Variants in RGPD8 observed in about 807,000 individuals in gnomAD.
RGPD8 encodes the protein RANBP2 like and GRIP domain containing 8, also known as RANBP2-like and GRIP domain-containing protein 8.
Under a neutral mutation model 89.1 loss-of-function variants are expected in RGPD8, and 15 were observed. The observed-to-expected ratio is 0.17, with a 90% CI of 0.11 to 0.26. The LOEUF is 0.26. Among genes scored for constraint, RGPD8 ranks in the 10% least tolerant of loss-of-function variants. RGPD8 has a pLI of 1.00. For missense variants in RGPD8, 178 were observed against 1,179.6 expected (o/e 0.15, Z 12.44); for synonymous variants, 62 against 420.9 (o/e 0.15, Z 10.44).
intron 7 of RGPD8, among the ~76,000 whole-genome samples, chr2:112,410,548 T>C (rs546155082): frequency 1.7e-3 from 262 of 151,270 alleles, no homozygotes; most frequent in East Asian, 4.7e-3. Flanking sequence ...GAGGCCGAGT[T>C]GGGTGGATCA....
chr2:112,431,557 C>T (rs1263639542), intron 1 of RGPD8, among the ~76,000 whole-genome samples: 5 of 151,856 alleles, frequency 3.3e-5, no homozygotes, highest in Admixed American at 6.6e-5. Flanking sequence ...TTGCTGGAAG[C>T]GCAAAATAAG....
At chr2:112,429,142 C>T (rs1181337027) in intron 1 of RGPD8, among the ~76,000 whole-genome samples, 83 of 151,788 alleles carry the variant, frequency 5.5e-4, no homozygotes, top group African/African-American at 1.9e-3. Flanking sequence ...AAAATGGGGC[C>T]GGGCGCGGTG....
intron 1 of RGPD8, among the ~76,000 whole-genome samples, chr2:112,430,599 G>T (rs1309406687): frequency 1.3e-5 from 2 of 151,164 alleles, no homozygotes; most frequent in Non-Finnish European, 2.9e-5. Context: ...TAATCTTTTG[G>T]AAGCCAAGGT....
At chr2:112,433,350 C>T in intron 1 of RGPD8, 32 bp downstream of exon 1, 1 of 1,597,924 alleles carries the variant, frequency 6.3e-7, no homozygotes. Flanking sequence ...CCGGCCGGGT[C>T]GAGGCCGCCG....
At chr2:112,432,257 G>A (rs1680072625) in intron 1 of RGPD8, among the ~76,000 whole-genome samples, 2 of 151,850 alleles carry the variant, frequency 1.3e-5, no homozygotes, top group African/African-American at 2.4e-5. Context: ...CCTGTAAAGA[G>A]GAAAAATACC....
intron 6 of RGPD8, among the ~76,000 whole-genome samples, chr2:112,416,058 C>T (rs1451306021): frequency 7.0e-6 from 1 of 143,712 alleles, no homozygotes; most frequent in Non-Finnish European, 1.5e-5. Context: ...CCACTGCACT[C>T]CAGCCTGGTG....
chr2:112,388,955 A>ATC lies in RGPD8; in HGVS notation c.3988_3989dup (p.Asp1330GlufsTer15). On this transcript the variant is annotated frameshift_variant, in exon 20 of 23. Coordinates refer to ENST00000302558, the MANE Select transcript of RGPD8 (RefSeq NM_001164463.1). LOFTEE classifies it high-confidence loss of function. ...GAACAACAGGTTCAAAGTACTGTCC[A>ATC]TCTCTCTCTTCTTCTTGAGTAACAA... 1 of 563,850 alleles carries ATC rather than the reference A, an allele frequency of 1.8e-6. No homozygotes were observed. Among genetic ancestry groups the ATC allele is most frequent in the Non-Finnish European group, 2.9e-6 (1 of 350,448 alleles). 34.9% of individuals were successfully genotyped at this position (563,850 alleles called of 1,614,324 possible).
chr2:112,433,430 C>T lies in RGPD8; in HGVS notation c.24G>A (p.Val8=), dbSNP rs773476606. The change falls in exon 1 of 23, where the codon GTG becomes GTA. Residue 8 remains valine (V), a synonymous_variant. Coordinates refer to ENST00000302558, the MANE Select transcript of RGPD8 (RefSeq NM_001164463.1). Reference sequence around the variant, plus strand: ...CCAGCACCGAGGCGACGTACCGCTCCACATCGGCCTTGCTGCGCCTCATCG... The same window carrying T: ...CCAGCACCGAGGCGACGTACCGCTCTACATCGGCCTTGCTGCGCCTCATCG... MRRSKAD[V]ERYVASVLGL... The T allele has an allele frequency of 1.9e-6, 3 of 1,609,750 alleles. No individual in the cohort carries two copies. The highest frequency in any genetic ancestry group is 2.5e-6 in the Non-Finnish European group (3 of 1,179,036).
At chr2:112,432,682 C>T (rs1680095946) in intron 1 of RGPD8, 4 of 985,198 alleles carry the variant, frequency 4.1e-6, no homozygotes, top group Non-Finnish European at 4.8e-6. Flanking sequence ...CCCGGGTGCC[C>T]AAGCCCCCGA....
intron 1 of RGPD8, among the ~76,000 whole-genome samples, chr2:112,427,933 A>G (rs1679844489): frequency 2.0e-5 from 3 of 152,358 alleles, no homozygotes; most frequent in African/African-American, 4.8e-5. Context: ...GAGGAGAATA[A>G]GAGAAAAATT....
Position 112,389,920 on chromosome 2 carries a change from T to C in RGPD8, c.3025A>G (p.Lys1009Glu). 1 of 1,490,118 alleles carries C rather than the reference T, an allele frequency of 6.7e-7. No homozygotes were observed. Among genetic ancestry groups the C allele is most frequent in the Non-Finnish European group, 9.1e-7 (1 of 1,104,430 alleles). The allele number at this position is 1,490,118 out of a possible 1,614,324, so 92.3% of individuals were successfully genotyped here. A position where few individuals can be genotyped will look rare whatever the true frequency, so the allele number is the denominator to read the frequency against. ...GEKLFSSRYG[K>E]MANKANTSGD... ...GAAGTGTTTGCTTTATTGGCCATTT[T>C]ACCGTATCGTGATGAGAATAATTTT... is the stretch of plus-strand genomic sequence containing the variant. Residue 1009 changes from lysine to glutamate, a missense_variant, in exon 20 of 23, where the codon AAA (lysine) becomes GAA (glutamate). Coordinates refer to ENST00000302558, the MANE Select transcript of RGPD8 (RefSeq NM_001164463.1).
intron 6 of RGPD8, among the ~76,000 whole-genome samples, chr2:112,414,117 T>A (rs2104813250): frequency 6.7e-6 from 1 of 148,338 alleles, no homozygotes; most frequent in East Asian, 1.9e-4. Context: ...TTTACAACAA[T>A]GCAAAAACAA....
At chr2:112,414,250 T>A (rs1344979564) in intron 6 of RGPD8, among the ~76,000 whole-genome samples, 1 of 121,342 alleles carries the variant, frequency 8.2e-6, no homozygotes, top group Non-Finnish European at 1.7e-5. Context: ...CCGAGGCGGG[T>A]GGATCACCTG....
intron 1 of RGPD8, among the ~76,000 whole-genome samples, chr2:112,426,021 C>T (rs1679754721): frequency 6.6e-6 from 1 of 152,028 alleles, no homozygotes. Context: ...GGTGTCACAA[C>T]AAAACTAGCA....
In RGPD8 at chr2:112,390,115, T is replaced by C; in HGVS notation, c.2830A>G (p.Thr944Ala). The change falls in exon 20 of 23, where the codon ACT becomes GCT. Residue 944 changes from threonine to alanine, a missense_variant. By Grantham distance (58) the Thr-to-Ala change is moderately conservative. Transcript: ENST00000302558. ...KKREKPLEND[T>A]GLQAQDIRGR... ...CTAATATCCTGAGCCTGTAAGCCAG[T>C]ATCATTTTCAAGAGGCTTTTCCCTT... 6.2e-7 allele frequency: 1 copy of C among 1,604,160 alleles called. No individual in the cohort carries two copies. Among genetic ancestry groups the C allele is most frequent in the African/African-American group, 1.4e-5 (1 of 73,400 alleles).
At chr2:112,414,125 C>A (rs1301318775) in intron 6 of RGPD8, among the ~76,000 whole-genome samples, 11 of 148,202 alleles carry the variant, frequency 7.4e-5, no homozygotes, top group Non-Finnish European at 1.5e-4. Context: ...AATGCAAAAA[C>A]AATGACACTT....
intron 22 of RGPD8, among the ~76,000 whole-genome samples, chr2:112,376,524 AC>A (rs1450317082): frequency 8.9e-6 from 1 of 112,626 alleles, no homozygotes; most frequent in African/African-American, 3.2e-5. Context: ...AGATAAAAAA[AC>A]AACAAAATGA....
At chr2:112,370,815 C>A (rs1434788857) in intron 22 of RGPD8, among the ~76,000 whole-genome samples, 4 of 150,092 alleles carry the variant, frequency 2.7e-5, no homozygotes, top group African/African-American at 9.8e-5. Context: ...AGAACTTAAC[C>A]TTTAAATGGC....
At chr2:112,374,278 GAC>G (rs1402946256) in intron 22 of RGPD8, among the ~76,000 whole-genome samples, 7 of 151,284 alleles carry the variant, frequency 4.6e-5, no homozygotes, top group Non-Finnish European at 7.4e-5. Flanking sequence ...CAGTCAGACT[GAC>G]AGTCCATATC....
Sources: gnomAD v4.1 joint callset for allele counts (sites outside exome capture counted in the v4.1 genomes callset) on GRCh38, gnomAD v4.1.1 for gene constraint, MANE v1.5 for transcripts, NCBI Gene and HGNC (gene_info 2026-07-23, HGNC 2026-07-21) for gene names.